Variants in KLHL38 observed in about 807,000 individuals in gnomAD.
KLHL38 encodes kelch-like protein 38.
KLHL38 carries 38 observed loss-of-function variants against 39.6 expected under a neutral mutation model. That is an observed-to-expected ratio of 0.96 (90% CI 0.74 to 1.26). The LOEUF (loss-of-function observed/expected upper bound fraction) is 1.26. Among genes scored for constraint, KLHL38 ranks in the 50% most tolerant of loss-of-function variants. The pLI, the probability that KLHL38 is intolerant of heterozygous loss-of-function variation, is 0.00. For synonymous variants in KLHL38, 322 were observed against 302.2 expected (o/e 1.07, Z -0.68); for missense variants, 803 against 748.1 (o/e 1.07, Z -0.86).
Position 123,651,781 on chromosome 8 carries a change from C to T in KLHL38, c.1146G>A (p.Lys382=). 5 of 1,614,154 alleles carry T rather than the reference C, an allele frequency of 3.1e-6. No individual in the cohort carries two copies. Among genetic ancestry groups the T allele is most frequent in the Non-Finnish European group, 4.2e-6 (5 of 1,180,028 alleles). ...TCCCCCCGATGGAGAAGATGAAGTT[C>T]TTATGGGCAGTGCTTCTGTGGGAGT... ...ARYSHRSTAH[K]NFIFSIGGIG... is the part of the protein sequence containing the mutation. The change falls in exon 2 of 4, where the codon AAG becomes AAA. Residue 382 remains lysine (K), a synonymous_variant. Transcript: ENST00000684634.
chr8:123,645,846 C>G lies in KLHL38; in HGVS notation c.1639G>C (p.Asp547His), dbSNP rs751837003. 1.9e-6 allele frequency: 3 copies of G among 1,613,554 alleles called. No individual in the cohort carries two copies. Among genetic ancestry groups the G allele is most frequent in the African/African-American group, 1.3e-5 (1 of 74,758 alleles). ...IEDSASFDCY[D>H]PETDTWTSQG... ...GATGTCCAGGTGTCCGTCTCGGGGTCGTAGCAATCGAAGGAGGCGGAGTCC... is the reference window on the plus strand; with the variant it reads ...GATGTCCAGGTGTCCGTCTCGGGGTGGTAGCAATCGAAGGAGGCGGAGTCC... Residue 547 changes from aspartate to histidine, a missense_variant, in exon 4 of 4, where the codon GAC becomes CAC. Asp to His is a moderately conservative substitution (Grantham distance 81). Transcript: ENST00000684634.
chr8:123,648,340 CT>C (rs1161796566), intron 2 of KLHL38, among the ~76,000 whole-genome samples: 28 of 152,158 alleles, frequency 1.8e-4, no homozygotes, highest in Admixed American at 3.3e-4. Flanking sequence ...AGCCATGAAA[CT>C]GTGGCCTTTC....
At chr8:123,649,459 C>G (rs770131183) in intron 2 of KLHL38, among the ~76,000 whole-genome samples, 4 of 152,192 alleles carry the variant, frequency 2.6e-5, no homozygotes, top group Admixed American at 1.3e-4. Context: ...CCACCCTTGC[C>G]TGGAACTCTA....
In KLHL38 at chr8:123,652,614, G is replaced by A. The variant is rs543057203; in HGVS notation, c.313C>T (p.Leu105Phe). The change falls in exon 2 of 4, where the codon CTC becomes TTC. Residue 105 changes from leucine (L) to phenylalanine (F), a missense_variant. Physicochemically the swap from Leu to Phe is conservative, Grantham distance 22 (BLOSUM62 0). Coordinates refer to ENST00000684634, the MANE Select transcript of KLHL38 (RefSeq NM_001081675.3). Reference sequence around the variant, plus strand: ...ATGGAGGCGGCCTCCATCACGGGGAGGACATTGTCAGTGGCAATATGTGCC... The same window carrying A: ...ATGGAGGCGGCCTCCATCACGGGGAAGACATTGTCAGTGGCAATATGTGCC... ...GEAHIATDNV[L>F]PVMEAASMLQ... 2 of 1,614,190 alleles carry A rather than the reference G, an allele frequency of 1.2e-6. No individual in the cohort carries two copies. Among genetic ancestry groups the A allele is most frequent in the Non-Finnish European group, 8.5e-7 (1 of 1,180,016 alleles).
In KLHL38 at chr8:123,651,646, A is replaced by G. The variant is rs749050188; in HGVS notation, c.1281T>C (p.Ala427=). The G allele has an allele frequency of 3.7e-6, 6 of 1,613,612 alleles. No individual in the cohort carries two copies. In the East Asian group the frequency reaches 8.9e-5, roughly 24 times the overall value. ...MPVGVLHPAV[A]VKDQRLYLFG... ...AGAGATAGAGTCTTTGGTCTTTCAC[A>G]GCGACTGCGGGGTGGAGCACCCCCA... Residue 427 remains alanine, a synonymous_variant, in exon 2 of 4, where the codon GCT becomes GCC. Transcript: ENST00000684634.
intron 2 of KLHL38, among the ~76,000 whole-genome samples, chr8:123,651,336 G>A (rs1812638646): frequency 6.6e-6 from 1 of 152,090 alleles, no homozygotes; most frequent in Admixed American, 6.5e-5. Flanking sequence ...ATGCATGTTG[G>A]CATCTGCATA....
rs192101736 is a variant in KLHL38 at position 123,651,693 on chromosome 8, C to A, written c.1234G>T (p.Glu412Ter). ...ERYDSICNVWESMASMPVGVL... is the reference protein window; with the variant it reads ...ERYDSICNVW ...CCCACGGGCATGCTGGCCATACTCT[C>A]CCAGACATTGCAGATGCTGTCATAC... is the stretch of plus-strand genomic sequence containing the variant. The change falls in exon 2 of 4, where the codon GAG becomes TAG. Residue 412 changes from glutamate (E) to a stop codon, truncating the protein, a stop_gained. Coordinates refer to ENST00000684634, the MANE Select transcript of KLHL38 (RefSeq NM_001081675.3). LOFTEE classifies it high-confidence loss of function. 6.2e-7 allele frequency: 1 copy of A among 1,614,074 alleles called. No homozygotes were observed. Among genetic ancestry groups the A allele is most frequent in the Non-Finnish European group, 8.5e-7 (1 of 1,180,050 alleles).
intron 2 of KLHL38, 31 bp from the exon 3 acceptor site, chr8:123,647,045 T>C: frequency 8.3e-7 from 1 of 1,202,458 alleles, no homozygotes; most frequent in Non-Finnish European, 1.2e-6. Flanking sequence ...TGGCACTGCA[T>C]TTTAAAGTGA....
intron 2 of KLHL38, 82 bp downstream of exon 2, chr8:123,651,495 T>C (rs907311810): frequency 1.4e-5 from 20 of 1,417,798 alleles, no homozygotes; most frequent in Non-Finnish European, 1.8e-5. Context: ...TGTATACATG[T>C]GCATGTGTGT....
rs1818675667 is a variant in KLHL38, at chr8:123,647,029, G to C, written c.1351-15C>G. 5.8e-6 allele frequency: 8 copies of C among 1,376,820 alleles called. No individual in the cohort carries two copies. The highest frequency in any genetic ancestry group is 2.9e-5 in the African/African-American group (2 of 70,044). The allele number at this position is 1,376,820 out of a possible 1,614,324, so 85.3% of individuals were successfully genotyped here. On this transcript the variant is annotated splice_polypyrimidine_tract_variant and intron_variant, in intron 2 of 3. Transcript: ENST00000684634. Reference sequence around the variant, plus strand: ...ATGTGATAAACCTGAGGGAGAGAGAGAATCATGGCACTGCATTTTAAAGTG... The same window carrying C: ...ATGTGATAAACCTGAGGGAGAGAGACAATCATGGCACTGCATTTTAAAGTG...
Position 123,652,786 on chromosome 8 carries a change from G to A in KLHL38, c.141C>T (p.Cys47=). Residue 47 remains cysteine, a synonymous_variant, in exon 2 of 4, where the codon TGC becomes TGT. Coordinates refer to ENST00000684634, the MANE Select transcript of KLHL38 (RefSeq NM_001081675.3). ...SICAGAREIP[C]HRNVLASSSP... ...TGCTGGAGGCCAGCACGTTGCGGTG[G>A]CAGGGGATCTCCCGGGCACCGGCAC... 6.8e-6 allele frequency: 11 copies of A among 1,614,074 alleles called. No individual in the cohort carries two copies. The highest frequency in any genetic ancestry group is 9.3e-6 in the Non-Finnish European group (11 of 1,180,014).
rs376500041 is a variant in KLHL38, at chr8:123,645,885, C to T, written c.1600G>A (p.Asp534Asn). ...YVTGGRRLTT[D>N]CNIEDSASFD... ...GAGGCGGAGTCCTCAATGTTGCAGT[C>T]CGTGGTCAGCCGCCGCCCGCCCGTC... is the stretch of plus-strand genomic sequence containing the variant. The change falls in exon 4 of 4, where the codon GAC (aspartate) becomes AAC (asparagine). Residue 534 changes from aspartate (D) to asparagine (N), a missense_variant. Transcript: ENST00000684634. The T allele has an allele frequency of 1.2e-6, 2 of 1,614,040 alleles. No homozygotes were observed. The highest frequency in any genetic ancestry group is 2.2e-5 in the South Asian group (2 of 91,066).
At chr8:123,653,190 C>T (rs1481148801) in intron 1 of KLHL38, among the ~76,000 whole-genome samples, 2 of 152,166 alleles carry the variant, frequency 1.3e-5, no homozygotes, top group Non-Finnish European at 1.5e-5. Flanking sequence ...AGAGAAACAA[C>T]CAAACAAACA....
intron 2 of KLHL38, among the ~76,000 whole-genome samples, chr8:123,650,519 T>G (rs1812624269): frequency 6.6e-6 from 1 of 152,136 alleles, no homozygotes; most frequent in Admixed American, 6.5e-5. Flanking sequence ...CTCCAGGCCC[T>G]TCACAATGGT....
Position 123,645,938 on chromosome 8 carries a change from G to A in KLHL38, c.1547C>T (p.Ala516Val). Reference sequence around the variant, plus strand: ...GTAGAGTTTGTTTCCCATCACTGTGGCCCCATGGTGCATCCTCCGGTCTTT... The same window carrying A: ...GTAGAGTTTGTTTCCCATCACTGTGACCCCATGGTGCATCCTCCGGTCTTT... The part of the protein sequence containing the change: ...DMKDRRMHHG[A>V]TVMGNKLYVT... Residue 516 changes from alanine (A) to valine (V), a missense_variant, in exon 4 of 4, where the codon GCC becomes GTC. Transcript: ENST00000684634. 6.2e-7 allele frequency: 1 copy of A among 1,614,150 alleles called. No individual in the cohort carries two copies. Among genetic ancestry groups the A allele is most frequent in the Non-Finnish European group, 8.5e-7 (1 of 1,180,018 alleles).
At chr8:123,651,486 G>A (rs1044868751) in intron 2 of KLHL38, 91 bp downstream of exon 2, 3 of 1,356,472 alleles carry the variant, frequency 2.2e-6, no homozygotes, top group Non-Finnish European at 2.0e-6. Flanking sequence ...TGGTGTGTAT[G>A]TATACATGTG....
At chr8:123,653,450 A>G (rs974459494) in intron 1 of KLHL38, among the ~76,000 whole-genome samples, 136 bp downstream of exon 1, 17 of 152,238 alleles carry the variant, frequency 1.1e-4, no homozygotes, top group Non-Finnish European at 2.5e-4. Context: ...CCTTTGATGC[A>G]TATATTTAAA....
intron 2 of KLHL38, among the ~76,000 whole-genome samples, chr8:123,650,213 G>A (rs1435844100): frequency 1.3e-5 from 2 of 151,944 alleles, no homozygotes; most frequent in African/African-American, 4.8e-5. Context: ...CTGGACCAGC[G>A]GTGTCCAATC....
Position 123,652,645 on chromosome 8 carries a change from C to A in KLHL38, c.282G>T (p.Thr94=), listed in dbSNP as rs1253431137. The change falls in exon 2 of 4, where the codon ACG becomes ACT. Residue 94 remains threonine, a synonymous_variant. Transcript: ENST00000684634. ...TGTCAGTGGCAATATGTGCCTCCCC[C>A]GTATACACGTAGGAGACGATCTGGT... is the stretch of plus-strand genomic sequence containing the variant. ...TLDQIVSYVY[T]GEAHIATDNV... 1 of 1,614,204 alleles carries A rather than the reference C, an allele frequency of 6.2e-7. No homozygotes were observed. Among genetic ancestry groups the A allele is most frequent in the Non-Finnish European group, 8.5e-7 (1 of 1,180,028 alleles).
Sources: gnomAD v4.1 joint callset for allele counts (sites outside exome capture counted in the v4.1 genomes callset) on GRCh38, gnomAD v4.1.1 for gene constraint, MANE v1.5 for transcripts, NCBI Gene and HGNC (gene_info 2026-07-23, HGNC 2026-07-21) for gene names.